Variants in VOPP1 observed in about 807,000 individuals in gnomAD.
VOPP1 encodes WW domain binding protein VOPP1.
A neutral mutation model predicts 23.5 loss-of-function variants in VOPP1; 8 were observed. The ratio of observed to expected loss-of-function variants is 0.34; its 90% confidence interval spans 0.20 to 0.61. The LOEUF is 0.61. Ranked by LOEUF, VOPP1 falls within the 20% of genes least tolerant of loss-of-function variation. The pLI is 0.78. For synonymous variants in VOPP1, 83 were observed against 97.3 expected, an observed-to-expected ratio of 0.85 and a Z score of 0.86; for missense variants, 174 against 238.1, an observed-to-expected ratio of 0.73 and a Z score of 1.77.
chr7:55,549,017 T>C (rs1472191536), intron 1 of VOPP1, among the ~76,000 whole-genome samples: 2 of 152,042 alleles, frequency 1.3e-5, no homozygotes, highest in African/African-American at 2.4e-5. Flanking sequence ...GACCCACCTA[T>C]GAGGCATGGA....
chr7:55,488,735 T>C (rs77248583), intron 4 of VOPP1, among the ~76,000 whole-genome samples: 4,061 of 152,150 alleles, frequency 0.027, 92 homozygotes, highest in Middle Eastern at 0.058. Context: ...CTTTTTCATC[T>C]TCATTAACAG....
chr7:55,500,126 G>A (rs1794266474), intron 2 of VOPP1, among the ~76,000 whole-genome samples: 1 of 152,156 alleles, frequency 6.6e-6, no homozygotes, highest in Admixed American at 6.5e-5. Context: ...TAGGAGTGTG[G>A]AAGGCAGAAT....
chr7:55,540,346 C>T (rs1042846623), intron 1 of VOPP1, among the ~76,000 whole-genome samples: 1 of 151,342 alleles, frequency 6.6e-6, no homozygotes, highest in African/African-American at 2.4e-5. Context: ...TGCAGTGAGC[C>T]GAGATCGCGC....
chr7:55,497,086 G>A (rs1272022847), intron 3 of VOPP1, among the ~76,000 whole-genome samples: 1 of 152,208 alleles, frequency 6.6e-6, no homozygotes, highest in Non-Finnish European at 1.5e-5. Context: ...CACCCTTCCA[G>A]GATGCTGCAG....
chr7:55,556,562 T>C (rs1797811424), intron 1 of VOPP1, among the ~76,000 whole-genome samples: 2 of 151,988 alleles, frequency 1.3e-5, no homozygotes, highest in African/African-American at 2.4e-5. Flanking sequence ...TATGATTATA[T>C]AAACTTCACA....
chr7:55,521,740 A>G, intron 1 of VOPP1: 4 of 986,152 alleles, frequency 4.1e-6, no homozygotes, highest in Non-Finnish European at 4.8e-6. Flanking sequence ...AGGGCAGGGC[A>G]GGGCAGGGCA....
intron 2 of VOPP1, among the ~76,000 whole-genome samples, chr7:55,517,116 A>T (rs529642030): frequency 1.1e-4 from 16 of 149,380 alleles, no homozygotes; most frequent in East Asian, 4.0e-4. Context: ...ATATATATAT[A>T]TTTTTTTATT....
chr7:55,523,699 T>C (rs76705576), intron 1 of VOPP1, among the ~76,000 whole-genome samples: 2 of 152,204 alleles, frequency 1.3e-5, no homozygotes, highest in East Asian at 3.9e-4. Flanking sequence ...CTTCCAAACT[T>C]CTCTTTGTTC....
At chr7:55,494,137 C>T (rs1418608422) in intron 3 of VOPP1, among the ~76,000 whole-genome samples, 1 of 152,136 alleles carries the variant, frequency 6.6e-6, no homozygotes, top group Non-Finnish European at 1.5e-5. Flanking sequence ...GAGACCCAAA[C>T]CGTTCAGGAG....
chr7:55,545,167 T>C (rs1470386678), intron 1 of VOPP1, among the ~76,000 whole-genome samples: 1 of 152,224 alleles, frequency 6.6e-6, no homozygotes, highest in Non-Finnish European at 1.5e-5. Context: ...ATTATTAAAC[T>C]TTCCATTTAT....
intron 4 of VOPP1, among the ~76,000 whole-genome samples, chr7:55,438,861 G>A (rs908005225): frequency 5.3e-5 from 8 of 152,172 alleles, no homozygotes; most frequent in Admixed American, 1.3e-4. Flanking sequence ...GGTGGTGAGC[G>A]CAGTCAGAAT....
chr7:55,537,251 C>T (rs1796852564), intron 1 of VOPP1, among the ~76,000 whole-genome samples: 1 of 152,162 alleles, frequency 6.6e-6, no homozygotes, highest in Non-Finnish European at 1.5e-5. Context: ...CCCCGAACAC[C>T]CACAGCGTGC....
chr7:55,456,482 T>C (rs1264260740), intron 4 of VOPP1, among the ~76,000 whole-genome samples: 2 of 152,172 alleles, frequency 1.3e-5, no homozygotes, highest in Non-Finnish European at 2.9e-5. Flanking sequence ...CATTCTACTA[T>C]AAAGACTCAT....
chr7:55,500,408 A>G (rs940270905), intron 2 of VOPP1, among the ~76,000 whole-genome samples: 1 of 152,252 alleles, frequency 6.6e-6, no homozygotes, highest in African/African-American at 2.4e-5. Context: ...GCAGGACCTC[A>G]ATCCTACAAC....
At chr7:55,524,735 C>T (rs10258024) in intron 1 of VOPP1, among the ~76,000 whole-genome samples, 15,804 of 152,054 alleles carry the variant, frequency 0.1, 984 homozygotes, top group East Asian at 0.27. Flanking sequence ...TTGAGGAGGA[C>T]GCAGCCTCGT....
At chr7:55,447,317 G>A (rs1250702945) in intron 4 of VOPP1, among the ~76,000 whole-genome samples, 2 of 152,156 alleles carry the variant, frequency 1.3e-5, no homozygotes, top group African/African-American at 2.4e-5. Flanking sequence ...ACCTCCCTGC[G>A]CTTACCCGGC....
intron 1 of VOPP1, among the ~76,000 whole-genome samples, chr7:55,557,935 A>G (rs1258294367): frequency 1.3e-5 from 2 of 152,204 alleles, no homozygotes; most frequent in African/African-American, 4.8e-5. Context: ...TGGGTTTCCT[A>G]TCACTGAGGG....
At chr7:55,560,839 A>C (rs1005115161) in intron 1 of VOPP1, among the ~76,000 whole-genome samples, 1 of 152,052 alleles carries the variant, frequency 6.6e-6, no homozygotes, top group African/African-American at 2.4e-5. Flanking sequence ...TGCCTTGTTC[A>C]TTTTCCAATC....
intron 2 of VOPP1, among the ~76,000 whole-genome samples, chr7:55,500,289 G>T (rs1381444174): frequency 6.6e-6 from 1 of 152,216 alleles, no homozygotes; most frequent in Non-Finnish European, 1.5e-5. Context: ...CTCTGCCCTT[G>T]CAGACTGGAG....
Sources: gnomAD v4.1 joint callset for allele counts (sites outside exome capture counted in the v4.1 genomes callset) on GRCh38, gnomAD v4.1.1 for gene constraint, MANE v1.5 for transcripts, NCBI Gene and HGNC (gene_info 2026-07-23, HGNC 2026-07-21) for gene names.